IL12RB1: variants seen among roughly 807,000 people sequenced by gnomAD.
IL12RB1 encodes interleukin 12 receptor subunit beta 1, also known as interleukin-12 receptor subunit beta-1.
IL12RB1 carries 64 observed loss-of-function variants against 94.4 expected under a neutral mutation model. The ratio of observed to expected loss-of-function variants is 0.68; its 90% CI spans 0.55 to 0.83. IL12RB1 has a LOEUF of 0.83. Among genes scored for constraint, IL12RB1 ranks in the 40% least tolerant of loss-of-function variants. IL12RB1 has a pLI of 0.00. For synonymous variants in IL12RB1, 362 were observed against 355.5 expected (o/e 1.02, Z -0.21); for missense variants, 814 against 855.6 (o/e 0.95, Z 0.61).
At chr19:18,097,032 T>G (rs2037000431) in intron 1 of IL12RB1, among the ~76,000 whole-genome samples, 1 of 152,084 alleles carries the variant, frequency 6.6e-6, no homozygotes, top group Non-Finnish European at 1.5e-5. Flanking sequence ...CATAAATGTT[T>G]TCATTAATTT....
At chr19:18,088,924 G>C (rs2036508418), upstream of IL12RB1, among the ~76,000 whole-genome samples, 1 of 151,882 alleles carries the variant, frequency 6.6e-6, no homozygotes, top group Admixed American at 6.6e-5. Context: ...CAGCTATTCG[G>C]GAGGCTGAGG....
At chr19:18,066,413 C>T (rs1229485720) in intron 12 of IL12RB1, 129 bp downstream of exon 12, 1 of 654,498 alleles carries the variant, frequency 1.5e-6, no homozygotes, top group African/African-American at 1.8e-5. Flanking sequence ...AGCCAATTCT[C>T]TTGTTTTAAG....
chr19:18,060,768 G>A lies in IL12RB1; in HGVS notation c.1791+354C>T, dbSNP rs17879897. Reference sequence around the variant, plus strand: ...CCTGAGACTTTTGCCCCAGTTAATGGGGAAAATGGACACCCTGCTTCCAAT... The same window carrying A: ...CCTGAGACTTTTGCCCCAGTTAATGAGGAAAATGGACACCCTGCTTCCAAT... On this transcript the variant is annotated intron_variant, in intron 15 of 16. Transcript: ENST00000593993. Among the ~76,000 whole-genome samples, 518 of 152,168 alleles carry A rather than the reference G, an allele frequency of 3.4e-3. 3 individuals are homozygous for A. Among genetic ancestry groups the A allele is most frequent in the African/African-American group, 0.01 (433 of 41,518 alleles).
chr19:18,086,085 T>C (rs2036314102), intron 1 of IL12RB1, among the ~76,000 whole-genome samples: 1 of 151,880 alleles, frequency 6.6e-6, no homozygotes, highest in Non-Finnish European at 1.5e-5. Context: ...TAACCAGGCA[T>C]GGTAGTGTGC....
chr19:18,091,905 C>T (rs559325171), upstream of IL12RB1, among the ~76,000 whole-genome samples: 2 of 136,236 alleles, frequency 1.5e-5, no homozygotes, highest in East Asian at 2.2e-4. Flanking sequence ...GAGACAGAGT[C>T]TTGCTCAGTC....
At chr19:18,087,130 C>T, upstream of IL12RB1, 1 of 476,010 alleles carries the variant, frequency 2.1e-6, no homozygotes, top group Non-Finnish European at 3.8e-6. Flanking sequence ...CTGAACTGAA[C>T]ACCCAGATGC....
At chr19:18,071,429 G>C (rs2035035731) in intron 9 of IL12RB1, 2 of 649,710 alleles carry the variant, frequency 3.1e-6, no homozygotes, top group Non-Finnish European at 4.7e-6. Context: ...TTTTGAAAAA[G>C]AGTGTAGCTC....
At chr19:18,082,600 G>A (rs947224744) in intron 2 of IL12RB1, among the ~76,000 whole-genome samples, 1 of 152,144 alleles carries the variant, frequency 6.6e-6, no homozygotes, top group Non-Finnish European at 1.5e-5. Flanking sequence ...TTGTTTGCCT[G>A]TTGTCTATCT....
rs61207801 is a variant in IL12RB1 at position 18,084,660 on chromosome 19, G to GCCAT, written c.65-1173_65-1170dup. On this transcript the variant is annotated intron_variant, in intron 1 of 16. Transcript: ENST00000593993. ...ATCTACCTACCGATATATCCATCCA[G>GCCAT]CCATCCATCCATCCATCCATCCATC... 4.9e-3 allele frequency among the ~76,000 whole-genome samples: 240 copies of GCCAT among 48,944 alleles called. 3 individuals carry two copies. Among genetic ancestry groups the GCCAT allele is most frequent in the Middle Eastern group, 9.8e-3 (1 of 102 alleles). 32.1% of individuals were successfully genotyped at this position (48,944 alleles called of 152,430 possible). A position where few individuals can be genotyped will look rare whatever the true frequency, so the allele number is the denominator to read the frequency against.
chr19:18,060,590 G>A (rs1367808760), intron 15 of IL12RB1, among the ~76,000 whole-genome samples: 1 of 152,002 alleles, frequency 6.6e-6, no homozygotes, highest in Non-Finnish European at 1.5e-5. Context: ...TTTCACAGAT[G>A]GTGTGGTTGA....
rs951764938 is a variant in IL12RB1, at chr19:18,081,086, GT to G, written c.240-86del. On this transcript the variant is annotated intron_variant, in intron 3 of 16. Coordinates refer to ENST00000593993, the MANE Select transcript of IL12RB1 (RefSeq NM_005535.3). ...ACTTTGTGCATCACATCCCAGCATC[GT>G]TTTTTTGGTGTTTGTTTGTTTGTTT... The G allele has an allele frequency of 2.2e-5, 27 of 1,245,012 alleles. No individual in the cohort carries two copies. In the Admixed American group the frequency reaches 3.7e-4, roughly 17 times the overall value. The allele number at this position is 1,245,012 out of a possible 1,614,324, so 77.1% of individuals were successfully genotyped here. A position where few individuals can be genotyped will look rare whatever the true frequency, so the allele number is the denominator to read the frequency against.
chr19:18,059,520 G>A lies in IL12RB1; in HGVS notation c.*88C>T. ...GAGGCAGGTGCACTGGAGCCTGGAG[G>A]AGCTCTGGGTTATTTGGGTCCAAAT... On this transcript the variant is annotated 3_prime_UTR_variant, in exon 17 of 17. Coordinates refer to ENST00000593993, the MANE Select transcript of IL12RB1 (RefSeq NM_005535.3). 1 of 754,344 alleles carries A rather than the reference G, an allele frequency of 1.3e-6. No homozygotes were observed. The allele number at this position is 754,344 out of a possible 1,614,324, so 46.7% of individuals were successfully genotyped here.
At chr19:18,068,676 C>T (rs2034779065) in intron 10 of IL12RB1, 150 bp from the exon 11 acceptor site, 1 of 667,860 alleles carries the variant, frequency 1.5e-6, no homozygotes. Flanking sequence ...TCCAAGATCT[C>T]TTCCCTATGC....
chr19:18,096,446 A>G (rs1236309298), intron 1 of IL12RB1, among the ~76,000 whole-genome samples: 2 of 152,138 alleles, frequency 1.3e-5, no homozygotes, highest in African/African-American at 2.4e-5. Flanking sequence ...TTTTGTAAGT[A>G]AAGTTTTATT....
rs762454568 is a variant in IL12RB1, at chr19:18,066,587, C to T, written c.1438G>A (p.Glu480Lys). 6 of 1,613,502 alleles carry T rather than the reference C, an allele frequency of 3.7e-6. No individual in the cohort carries two copies. In the African/African-American group the frequency reaches 8.0e-5, roughly 22 times the overall value. The change falls in exon 12 of 17, where the codon GAG becomes AAG. Residue 480 changes from glutamate to lysine, a missense_variant. Coordinates refer to ENST00000593993, the MANE Select transcript of IL12RB1 (RefSeq NM_005535.3). ...TCATCTCGGCAGCGGACAACATACT[C>T]CTTTAGGACGCCGGGACAGGTGCTC... ...LLSTCPGVLK[E>K]YVVRCRDEDS...
At position 18,059,372 on chromosome 19, in the gene IL12RB1, T is replaced by C; in HGVS notation, c.*236A>G. On this transcript the variant is annotated 3_prime_UTR_variant, in exon 17 of 17. Transcript: ENST00000593993. ...CCAGTCCATTCTACGCCAGAACAGG[T>C]AAATGGCAGGGTCTGCTCCTGCCCC... The C allele has an allele frequency of 1.7e-6, 1 of 601,754 alleles. No homozygotes were observed. The highest frequency in any genetic ancestry group is 3.0e-6 in the Non-Finnish European group (1 of 335,690). The allele number at this position is 601,754 out of a possible 1,614,324, so 37.3% of individuals were successfully genotyped here. A position where few individuals can be genotyped will look rare whatever the true frequency, so the allele number is the denominator to read the frequency against.
At chr19:18,060,998 T>C in intron 15 of IL12RB1, 124 bp downstream of exon 15, 1 of 690,398 alleles carries the variant, frequency 1.4e-6, no homozygotes, top group Non-Finnish European at 2.7e-6. Flanking sequence ...GGAAGGGGTA[T>C]GGAGCACTGG....
intron 13 of IL12RB1, among the ~76,000 whole-genome samples, chr19:18,063,664 G>C (rs1189368923): frequency 6.6e-6 from 1 of 152,182 alleles, no homozygotes; most frequent in African/African-American, 2.4e-5. Flanking sequence ...CCAGGCAGGA[G>C]GCAGGGAAGG....
At chr19:18,064,116 C>T in intron 12 of IL12RB1, 106 bp from the exon 13 acceptor site, 2 of 613,148 alleles carry the variant, frequency 3.3e-6, no homozygotes, top group Middle Eastern at 4.5e-4. Flanking sequence ...AGGCATTTTG[C>T]TAAAATCTCT....
Sources: allele counts gnomAD v4.1 joint callset (sites outside exome capture counted in the v4.1 genomes callset), GRCh38; gene constraint gnomAD v4.1.1; transcripts MANE v1.5; gene names NCBI Gene and HGNC (gene_info 2026-07-23, HGNC 2026-07-21).